Variants in FANCM observed in about 807,000 individuals in gnomAD.
The protein encoded by FANCM is Fanconi anemia group M protein.
FANCM carries 140 observed loss-of-function variants against 199.5 expected under a neutral mutation model. The ratio of observed to expected loss-of-function variants is 0.70; its 90% CI spans 0.61 to 0.81. The LOEUF is 0.81. Among genes scored for constraint, FANCM ranks in the 30% least tolerant of loss-of-function variants. The probability of loss-of-function intolerance (pLI) is 0.00; values close to 1 mark genes in which losing one functional copy is unlikely to be tolerated. For missense variants in FANCM, 2,410 were observed against 2,421.4 expected, an observed-to-expected ratio of 1.00 and a Z score of 0.10; for synonymous variants, 840 against 836.8, an observed-to-expected ratio of 1.00 and a Z score of -0.07.
intron 13 of FANCM, among the ~76,000 whole-genome samples, chr14:45,174,693 G>T (rs898002946): frequency 2.0e-5 from 3 of 151,648 alleles, no homozygotes; most frequent in African/African-American, 7.3e-5. Context: ...AAATGTATAT[G>T]GTTTTTATTA....
rs553527372 is a variant in FANCM at position 45,194,631 on chromosome 14, C to T, written c.5341-1541C>T. Among the ~76,000 whole-genome samples the T allele has an allele frequency of 4.5e-4, 68 of 152,228 alleles. 1 individual carries two copies. Among genetic ancestry groups the T allele is most frequent in the African/African-American group, 1.5e-3 (64 of 41,534 alleles). ...TATGATTATGTAATAATTTGTTCAA[C>T]ATTTCCATATTGATGCGTATGTAGG... On this transcript the variant is annotated intron_variant, in intron 20 of 22. Transcript: ENST00000267430.
Position 45,175,426 on chromosome 14 carries a change from A to C in FANCM, c.2672A>C (p.Gln891Pro), listed in dbSNP as rs753820999. ...DRNSTVENIF[Q>P]EDLPNDKRTS... ...AATTCCACTGTTGAAAATATTTTTC[A>C]AGAAGACCTACCAAATGATAAAAGG... Residue 891 changes from glutamine (Q) to proline (P), a missense_variant, in exon 14 of 23, where the codon CAA (glutamine) becomes CCA (proline). Gln to Pro is a moderately conservative substitution (Grantham distance 76, BLOSUM62 -1). Coordinates refer to ENST00000267430, the MANE Select transcript of FANCM (RefSeq NM_020937.4). 3.8e-6 allele frequency: 6 copies of C among 1,585,426 alleles called. No individual in the cohort carries two copies. Among genetic ancestry groups the C allele is most frequent in the Non-Finnish European group, 2.6e-6 (3 of 1,167,150 alleles).
rs1007492824 is a variant in FANCM at position 45,181,283 on chromosome 14, G to A, written c.4223-147G>A. The A allele has an allele frequency of 1.1e-5, 6 of 565,650 alleles. No homozygotes were observed. In the Admixed American group the frequency reaches 1.9e-4, roughly 18 times the overall value. 35.0% of individuals were successfully genotyped at this position (565,650 alleles called of 1,614,324 possible). A position where few individuals can be genotyped will look rare whatever the true frequency, so the allele number is the denominator to read the frequency against. ...CTCTTGTTTAGATTTTTTGTTCAGA[G>A]TTCTCCAAGACTATCTTTTTTTGAA... On this transcript the variant is annotated intron_variant, in intron 14 of 22. Coordinates refer to ENST00000267430, the MANE Select transcript of FANCM (RefSeq NM_020937.4).
chr14:45,197,281 G>A (rs540666818), intron 21 of FANCM, among the ~76,000 whole-genome samples: 1 of 152,248 alleles, frequency 6.6e-6, no homozygotes, highest in Admixed American at 6.5e-5. Flanking sequence ...GATATTATGA[G>A]AACTAAGTAA....
Position 45,160,323 on chromosome 14 carries a change from T to C in FANCM, c.1581+1043T>C, listed in dbSNP as rs188330963. 2.5e-3 allele frequency among the ~76,000 whole-genome samples: 374 copies of C among 150,444 alleles called. 2 individuals carry two copies. The highest frequency in any genetic ancestry group is 0.017 in the Middle Eastern group (5 of 292). ...GGTAGTCTTCTTCTTCTTTTCTTTT[T>C]TTTTTTTTTTTAATTTTGAAATGGA... On this transcript the variant is annotated intron_variant, in intron 9 of 22. Coordinates refer to ENST00000267430, the MANE Select transcript of FANCM (RefSeq NM_020937.4).
Position 45,175,818 on chromosome 14 carries a change from T to C in FANCM, c.3064T>C (p.Phe1022Leu), listed in dbSNP as rs772658729. The change falls in exon 14 of 23, where the codon TTC becomes CTC. Residue 1022 changes from phenylalanine (F) to leucine (L), a missense_variant. By Grantham distance (22) the Phe-to-Leu change is conservative (BLOSUM62 0). Transcript: ENST00000267430. ...AKGTALENLLFLPCAEHLRSD... is the reference protein window; with the variant it reads ...AKGTALENLLLLPCAEHLRSD... ...GGGTACTGCACTTGAGAATTTGCTT[T>C]TCTTACCCTGTGCAGAGCATTTACG... is the stretch of plus-strand genomic sequence containing the variant. 9.3e-6 allele frequency: 15 copies of C among 1,613,956 alleles called. No homozygotes were observed. Among genetic ancestry groups the C allele is most frequent in the Non-Finnish European group, 1.3e-5 (15 of 1,179,968 alleles).
rs1015238529 is a variant in FANCM at position 45,136,221 on chromosome 14, G to A, written c.190G>A (p.Ala64Thr). ...TGTGTTGCTTGTCGCGGCGTACGAG[G>A]CTGAGCGGCAGTTGTGTCTAGAGAA... is the stretch of plus-strand genomic sequence containing the variant. ...DDVLLVAAYEAERQLCLENGG... is the reference protein window; with the variant it reads ...DDVLLVAAYETERQLCLENGG... The change falls in exon 1 of 23, where the codon GCT (alanine) becomes ACT (threonine). Residue 64 changes from alanine (A) to threonine (T), a missense_variant. Coordinates refer to ENST00000267430, the MANE Select transcript of FANCM (RefSeq NM_020937.4). 6.2e-7 allele frequency: 1 copy of A among 1,614,176 alleles called. No homozygotes were observed. Among genetic ancestry groups the A allele is most frequent in the Non-Finnish European group, 8.5e-7 (1 of 1,180,020 alleles).
chr14:45,159,276 T>C lies in FANCM; in HGVS notation c.1577T>C (p.Leu526Pro), dbSNP rs766715021. The change falls in exon 9 of 23, where the codon CTG becomes CCG. Residue 526 changes from leucine (L) to proline (P), a missense_variant. By Grantham distance (98) the Leu-to-Pro change is moderately conservative. Coordinates refer to ENST00000267430, the MANE Select transcript of FANCM (RefSeq NM_020937.4). ...AAGGGTTTTACCCAGAAGGAGCAAC[T>C]GGAGGTAATTATTTTTGGAATTGAT... ...STKGFTQKEQLEVVKQFRDGG... is the reference protein window; with the variant it reads ...STKGFTQKEQPEVVKQFRDGG... 6.2e-7 allele frequency: 1 copy of C among 1,609,938 alleles called. No individual in the cohort carries two copies. The highest frequency in any genetic ancestry group is 1.7e-5 in the Admixed American group (1 of 59,898).
intron 9 of FANCM, among the ~76,000 whole-genome samples, chr14:45,160,006 T>G (rs927668975): frequency 3.2e-5 from 4 of 124,954 alleles, no homozygotes; most frequent in East Asian, 2.5e-4. Flanking sequence ...TTTTTTGTTT[T>G]TTTTTTTTTT....
chr14:45,149,512 A>G (rs540752082), intron 4 of FANCM, among the ~76,000 whole-genome samples: 1 of 152,242 alleles, frequency 6.6e-6, no homozygotes, highest in African/African-American at 2.4e-5. Flanking sequence ...GATTACAGGC[A>G]CATGCTACCA....
At chr14:45,147,899 C>T (rs545367104) in intron 3 of FANCM, among the ~76,000 whole-genome samples, 11 of 145,930 alleles carry the variant, frequency 7.5e-5, no homozygotes, top group Non-Finnish European at 1.1e-4. Flanking sequence ...TCCAAACCGC[C>T]CCCCCCCCAA....
chr14:45,141,055 A>G (rs1236079612), intron 3 of FANCM, among the ~76,000 whole-genome samples: 2 of 152,122 alleles, frequency 1.3e-5, no homozygotes, highest in Admixed American at 6.5e-5. Context: ...CTGGGAGGCC[A>G]AGGTGGGCGG....
intron 3 of FANCM, among the ~76,000 whole-genome samples, chr14:45,141,141 A>T (rs1282328230): frequency 6.6e-6 from 1 of 151,816 alleles, no homozygotes; most frequent in African/African-American, 2.4e-5. Flanking sequence ...ACAAAAAATT[A>T]ACCGGGCGTG....
At chr14:45,186,394 A>G (rs1439966604) in intron 18 of FANCM, among the ~76,000 whole-genome samples, 1 of 152,242 alleles carries the variant, frequency 6.6e-6, no homozygotes, top group Non-Finnish European at 1.5e-5. Context: ...CGGATCTTAC[A>G]TACAATATAT....
Position 45,175,497 on chromosome 14 carries a change from A to C in FANCM, c.2743A>C (p.Asn915His). 1 of 1,612,954 alleles carries C rather than the reference A, an allele frequency of 6.2e-7. No individual in the cohort carries two copies. Among genetic ancestry groups the C allele is most frequent in the Non-Finnish European group, 8.5e-7 (1 of 1,179,344 alleles). The change falls in exon 14 of 23, where the codon AAT (asparagine) becomes CAT (histidine). Residue 915 changes from asparagine (N) to histidine (H), a missense_variant. By Grantham distance (68) the Asn-to-His change is moderately conservative (BLOSUM62 1). Transcript: ENST00000267430. ...TGCTGCCACATGTACTATTAATGAA[A>C]ATGTTATTAAAGAACCGTGTGTGTT... is the stretch of plus-strand genomic sequence containing the variant. ...EIAATCTINE[N>H]VIKEPCVLLT...
chr14:45,165,220 T>C (rs1293056029), intron 10 of FANCM, among the ~76,000 whole-genome samples: 2 of 152,190 alleles, frequency 1.3e-5, no homozygotes, highest in Non-Finnish European at 2.9e-5. Context: ...CAGCCAAATA[T>C]ATAGATTCAC....
chr14:45,172,950 C>T (rs1888433001), intron 12 of FANCM, 105 bp from the exon 13 acceptor site: 2 of 834,582 alleles, frequency 2.4e-6, no homozygotes, highest in Non-Finnish European at 4.0e-6. Flanking sequence ...CTAAATGGAT[C>T]CAAATTATGT....
At chr14:45,191,888 T>C (rs896523441) in intron 20 of FANCM, among the ~76,000 whole-genome samples, 3 of 152,178 alleles carry the variant, frequency 2.0e-5, no homozygotes, top group Admixed American at 6.5e-5. Flanking sequence ...ATATGAAATA[T>C]AACTTCTTTA....
At chr14:45,174,205 G>A (rs1888517062) in intron 13 of FANCM, among the ~76,000 whole-genome samples, 1 of 152,098 alleles carries the variant, frequency 6.6e-6, no homozygotes. Context: ...TGGCCAATAT[G>A]AGGAAACCCT....
Sources: allele counts gnomAD v4.1 joint callset (sites outside exome capture counted in the v4.1 genomes callset), GRCh38; gene constraint gnomAD v4.1.1; transcripts MANE v1.5; gene names NCBI Gene and HGNC (gene_info 2026-07-23, HGNC 2026-07-21).